The following VPS13B variants were observed in gnomAD, a reference collection of about 807,000 sequenced individuals.
VPS13B encodes intermembrane lipid transfer protein VPS13B.
VPS13B carries 285 observed loss-of-function variants against 426.4 expected under a neutral mutation model. That is an observed-to-expected ratio of 0.67 (90% confidence interval 0.61 to 0.74). The LOEUF (loss-of-function observed/expected upper bound fraction) is 0.74, where lower values mean the gene tolerates loss of function less well. VPS13B is among the 30% of genes least tolerant of loss of function. The probability of loss-of-function intolerance (pLI) is 0.00; values close to 1 mark genes in which losing one functional copy is unlikely to be tolerated. For synonymous variants in VPS13B, 1,676 were observed against 1,676.4 expected, an observed-to-expected ratio of 1.00 and a Z score of 0.01; for missense variants, 4,537 against 4,782.6, an observed-to-expected ratio of 0.95 and a Z score of 1.51.
At chr8:99,148,183 G>A (rs1192809278) in intron 14 of VPS13B, among the ~76,000 whole-genome samples, 173 bp downstream of exon 14, 1 of 151,504 alleles carries the variant, frequency 6.6e-6, no homozygotes, top group African/African-American at 2.4e-5. Context: ...TTTGAGACCA[G>A]CCTAGGCAAC....
chr8:99,509,150 G>T (rs557474968), intron 28 of VPS13B, among the ~76,000 whole-genome samples: 33 of 152,158 alleles, frequency 2.2e-4, no homozygotes, highest in African/African-American at 7.7e-4. Flanking sequence ...GATCACTGTG[G>T]CCTCTTCCAC....
intron 19 of VPS13B, among the ~76,000 whole-genome samples, chr8:99,350,284 G>C (rs775156956): frequency 6.6e-6 from 1 of 152,186 alleles, no homozygotes; most frequent in Admixed American, 6.5e-5. Flanking sequence ...CTTGTGTTCC[G>C]TGTAAGGTTT....
chr8:99,053,212 C>T (rs1843655880), intron 3 of VPS13B, among the ~76,000 whole-genome samples: 1 of 151,732 alleles, frequency 6.6e-6, no homozygotes, highest in South Asian at 2.1e-4. Context: ...CATATGTATA[C>T]ATGTGCCATG....
intron 16 of VPS13B, among the ~76,000 whole-genome samples, chr8:99,174,615 G>GT (rs550068551): frequency 1.3e-3 from 192 of 152,046 alleles, no homozygotes; most frequent in African/African-American, 4.4e-3. Context: ...TTTTTAATTA[G>GT]TTTTTTTCCT....
intron 21 of VPS13B, among the ~76,000 whole-genome samples, chr8:99,421,794 C>T (rs1816390454): frequency 6.6e-6 from 1 of 152,122 alleles, no homozygotes; most frequent in African/African-American, 2.4e-5. Context: ...CCTCCTGTCT[C>T]AGCCTCCCGA....
At chr8:99,019,660 C>T (rs747705030) in intron 2 of VPS13B, among the ~76,000 whole-genome samples, 3 of 152,206 alleles carry the variant, frequency 2.0e-5, no homozygotes, top group Non-Finnish European at 4.4e-5. Flanking sequence ...TTCCCAGCCC[C>T]TTGGCAACCA....
intron 33 of VPS13B, among the ~76,000 whole-genome samples, chr8:99,597,922 T>C (rs1827098663): frequency 6.6e-6 from 1 of 152,066 alleles, no homozygotes; most frequent in African/African-American, 2.4e-5. Context: ...AAATACTTGC[T>C]GAGTGAATTA....
chr8:99,862,085 C>A, intron 58 of VPS13B, 139 bp downstream of exon 58: 1 of 1,027,136 alleles, frequency 9.7e-7, no homozygotes, highest in Non-Finnish European at 1.4e-6. Flanking sequence ...GCTCTGAGTT[C>A]TACAGTGCGT....
At chr8:99,480,032 A>G (rs1453487381) in intron 24 of VPS13B, among the ~76,000 whole-genome samples, 1 of 152,224 alleles carries the variant, frequency 6.6e-6, no homozygotes, top group Non-Finnish European at 1.5e-5. Flanking sequence ...GTTACTCTAC[A>G]TCCTTACTAA....
At position 99,835,743 on chromosome 8, in the gene VPS13B, G is replaced by C; in HGVS notation, c.9942+5G>C. On this transcript the variant is annotated splice_donor_5th_base_variant and intron_variant, in intron 54 of 61. Coordinates refer to ENST00000357162, the MANE Select transcript of VPS13B (RefSeq NM_152564.5). ...ATCAACAGTCAGGGAACACAGGTCA[G>C]TGAGCCATGTGTTCCTGCCAAGACC... 6.2e-7 allele frequency: 1 copy of C among 1,613,996 alleles called. No homozygotes were observed. Among genetic ancestry groups the C allele is most frequent in the Non-Finnish European group, 8.5e-7 (1 of 1,179,926 alleles).
intron 19 of VPS13B, among the ~76,000 whole-genome samples, chr8:99,303,147 G>A (rs1820454791): frequency 6.7e-6 from 1 of 150,282 alleles, no homozygotes; most frequent in African/African-American, 2.4e-5. Context: ...GGGCGTGGTA[G>A]AATGCTCCTG....
At chr8:99,537,974 G>C (rs962362930) in intron 30 of VPS13B, among the ~76,000 whole-genome samples, 1 of 152,280 alleles carries the variant, frequency 6.6e-6, no homozygotes, top group Admixed American at 6.5e-5. Flanking sequence ...AATCGACCTA[G>C]TGATTGTGAT....
intron 19 of VPS13B, among the ~76,000 whole-genome samples, chr8:99,325,596 TG>T (rs34281808): frequency 0.058 from 8,816 of 152,270 alleles, 260 homozygotes; most frequent in South Asian, 0.089. Flanking sequence ...TGTGTATATC[TG>T]TGGCTCAAGC....
chr8:99,096,874 T>C (rs896207604), intron 4 of VPS13B, among the ~76,000 whole-genome samples: 2 of 152,184 alleles, frequency 1.3e-5, no homozygotes, highest in East Asian at 1.9e-4. Context: ...TCAGAACAAA[T>C]TGGGTCCTGG....
At chr8:99,589,792 T>C (rs1014532514) in intron 33 of VPS13B, among the ~76,000 whole-genome samples, 2 of 152,110 alleles carry the variant, frequency 1.3e-5, no homozygotes, top group Admixed American at 6.6e-5. Context: ...ATTGGTCTAA[T>C]ATTCTCTTTT....
chr8:99,425,931 T>G (rs896576970), intron 21 of VPS13B, among the ~76,000 whole-genome samples: 5 of 152,152 alleles, frequency 3.3e-5, no homozygotes, highest in African/African-American at 7.2e-5. Context: ...TTTATTATAC[T>G]TTAAGTTTTA....
In VPS13B at chr8:99,862,025, G is replaced by A. The variant is rs536015222; in HGVS notation, c.11215+79G>A. ...GGGTCTCCCAGGACTGGGCAACTTC[G>A]CCTTCTGCCTGGGAATGACCAGGAA... is the stretch of plus-strand genomic sequence containing the variant. On this transcript the variant is annotated intron_variant, in intron 58 of 61. Transcript: ENST00000357162. 1.4e-5 allele frequency: 21 copies of A among 1,465,010 alleles called. No individual in the cohort carries two copies. In the African/African-American group the frequency reaches 1.5e-4, roughly 11 times the overall value. 90.8% of individuals were successfully genotyped at this position (1,465,010 alleles called of 1,614,324 possible). A position where few individuals can be genotyped will look rare whatever the true frequency, so the allele number is the denominator to read the frequency against.
chr8:99,339,195 G>A (rs1040513462), intron 19 of VPS13B, among the ~76,000 whole-genome samples: 1 of 152,066 alleles, frequency 6.6e-6, no homozygotes, highest in Non-Finnish European at 1.5e-5. Context: ...TTAATATTAA[G>A]TTTGGAAGAG....
At chr8:99,471,047 T>C (rs1012171419) in intron 24 of VPS13B, among the ~76,000 whole-genome samples, 1 of 151,984 alleles carries the variant, frequency 6.6e-6, no homozygotes, top group Non-Finnish European at 1.5e-5. Flanking sequence ...GTTAACCTAG[T>C]GAAGATACCC....
Sources: allele counts gnomAD v4.1 joint callset (sites outside exome capture counted in the v4.1 genomes callset), GRCh38; gene constraint gnomAD v4.1.1; transcripts MANE v1.5; gene names NCBI Gene and HGNC (gene_info 2026-07-23, HGNC 2026-07-21).